DLG2: variants seen among roughly 807,000 people sequenced by gnomAD.
DLG2 encodes discs large MAGUK scaffold protein 2.
In DLG2, 45 loss-of-function variants were observed where a neutral mutation model predicts 132.5. The observed-to-expected ratio is 0.34, with a 90% confidence interval of 0.27 to 0.44. DLG2 has a LOEUF of 0.44. DLG2 is among the 20% of genes least tolerant of loss of function. DLG2 has a pLI of 1.00. For synonymous variants in DLG2, 424 were observed against 419.6 expected (o/e 1.01, Z -0.13); for missense variants, 1,045 against 1,196.9 (o/e 0.87, Z 1.87).
intron 18 of DLG2, among the ~76,000 whole-genome samples, chr11:83,652,167 C>T (rs780218914): frequency 8.5e-5 from 13 of 152,162 alleles, no homozygotes; most frequent in Non-Finnish European, 1.8e-4. Flanking sequence ...GGCAGCGCAA[C>T]TGGACCCCAG....
intron 11 of DLG2, among the ~76,000 whole-genome samples, chr11:84,041,325 C>T (rs1339874966): frequency 2.0e-5 from 3 of 151,786 alleles, no homozygotes; most frequent in Admixed American, 2.0e-4. Flanking sequence ...AATCACTATG[C>T]CAAAGGGTTT....
chr11:83,884,272 C>T (rs188678025), intron 15 of DLG2, among the ~76,000 whole-genome samples: 51 of 152,344 alleles, frequency 3.3e-4, no homozygotes, highest in African/African-American at 8.9e-4. Context: ...GCTTAAAAAA[C>T]GGCGCACCAG....
Position 85,280,494 on chromosome 11 carries a change from CAGTGCTGTTACT to C in DLG2, c.186+4714_186+4725del, listed in dbSNP as rs575308820. 1.4e-4 allele frequency among the ~76,000 whole-genome samples: 21 copies of C among 152,176 alleles called. 1 individual carries two copies. The highest frequency in any genetic ancestry group is 4.1e-4 in the African/African-American group (17 of 41,556). On this transcript the variant is annotated intron_variant, in intron 4 of 27. Transcript: ENST00000376104. ...ATACCAAGCAGCCTCCTTCCTGGCC[CAGTGCTGTTACT>C]GTAACACTGTTAGTAATATAAACTT...
intron 14 of DLG2, among the ~76,000 whole-genome samples, chr11:83,943,348 A>G (rs2083093595): frequency 6.6e-6 from 1 of 152,014 alleles, no homozygotes; most frequent in Non-Finnish European, 1.5e-5. Flanking sequence ...GTACTTTTCA[A>G]TTCAGCCCCA....
chr11:83,790,332 AAC>A, intron 17 of DLG2: 1 of 871,296 alleles, frequency 1.1e-6, no homozygotes, highest in Non-Finnish European at 1.9e-6. Flanking sequence ...CTTAAAAGGT[AAC>A]AGTCTTCAGA....
At position 85,454,523 on chromosome 11, in the gene DLG2, C is replaced by A. The variant is rs545310960; in HGVS notation, c.40+144134G>T. Among the ~76,000 whole-genome samples, 93 of 152,174 alleles carry A rather than the reference C, an allele frequency of 6.1e-4. 3 individuals are homozygous for A. In the South Asian group the frequency reaches 0.018, roughly 30 times the overall value. ...TATAGTTTCTCGTGCTGTGCAAAAG[C>A]TGTTTAGTTTAATTAGATCCAATTT... On this transcript the variant is annotated intron_variant, in intron 3 of 27. Coordinates refer to ENST00000376104, the MANE Select transcript of DLG2 (RefSeq NM_001142699.3).
At chr11:84,298,125 C>A (rs1252219894) in intron 7 of DLG2, among the ~76,000 whole-genome samples, 1 of 152,166 alleles carries the variant, frequency 6.6e-6, no homozygotes, top group African/African-American at 2.4e-5. Flanking sequence ...TTCTCTACTA[C>A]AATGCCTGTT....
At chr11:85,572,012 T>G (rs1437655735) in intron 3 of DLG2, among the ~76,000 whole-genome samples, 6 of 152,042 alleles carry the variant, frequency 3.9e-5, no homozygotes, top group African/African-American at 1.4e-4. Flanking sequence ...CCAGATTAAG[T>G]TTTTTTTAAT....
At chr11:84,335,738 A>G (rs1448752263) in intron 7 of DLG2, among the ~76,000 whole-genome samples, 1 of 152,196 alleles carries the variant, frequency 6.6e-6, no homozygotes. Context: ...AGCCTCATCT[A>G]ACTTCATCTG....
chr11:85,335,801 G>C (rs937087996), intron 3 of DLG2, among the ~76,000 whole-genome samples: 1 of 152,020 alleles, frequency 6.6e-6, no homozygotes, highest in Non-Finnish European at 1.5e-5. Flanking sequence ...ATCAGGGGGT[G>C]GGGGACTAGG....
At position 84,843,985 on chromosome 11, in the gene DLG2, A is replaced by G. The variant is rs901077865; in HGVS notation, c.357+267676T>C. On this transcript the variant is annotated intron_variant, in intron 6 of 27. Transcript: ENST00000376104. ...TCCCCATTATATGTAATAGATACAT[A>G]TATAAAGGTGATATATATATTATGT... 5.3e-5 allele frequency among the ~76,000 whole-genome samples: 8 copies of G among 150,090 alleles called. 1 individual carries two copies. Among genetic ancestry groups the G allele is most frequent in the Non-Finnish European group, 1.0e-4 (7 of 67,556 alleles).
intron 17 of DLG2, 60 bp downstream of exon 17, chr11:83,833,554 T>C: frequency 6.6e-7 from 1 of 1,505,986 alleles, no homozygotes; most frequent in South Asian, 1.3e-5. Context: ...TTGAAAGTTA[T>C]GACTTTTTCA....
intron 6 of DLG2, among the ~76,000 whole-genome samples, chr11:85,071,323 G>A (rs756219861): frequency 8.6e-5 from 13 of 151,776 alleles, no homozygotes; most frequent in Admixed American, 2.0e-4. Flanking sequence ...AGATTACCCT[G>A]GTTGCATAAG....
chr11:83,873,942 G>A (rs546513727), intron 16 of DLG2, among the ~76,000 whole-genome samples: 1 of 152,296 alleles, frequency 6.6e-6, no homozygotes, highest in African/African-American at 2.4e-5. Context: ...TATCACAAGT[G>A]TGTGTTTGTA....
chr11:85,357,111 G>T (rs2083761095), intron 3 of DLG2, among the ~76,000 whole-genome samples: 1 of 152,032 alleles, frequency 6.6e-6, no homozygotes, highest in Non-Finnish European at 1.5e-5. Context: ...TTTTTAAAAT[G>T]ATTTTTAGAA....
At chr11:84,668,788 A>C (rs572924602) in intron 6 of DLG2, among the ~76,000 whole-genome samples, 26 of 152,262 alleles carry the variant, frequency 1.7e-4, no homozygotes, top group African/African-American at 6.3e-4. Flanking sequence ...TTGTTGAAAA[A>C]TTTGAAAATA....
intron 4 of DLG2, among the ~76,000 whole-genome samples, chr11:85,221,048 T>A (rs988341650): frequency 7.4e-5 from 11 of 147,710 alleles, no homozygotes; most frequent in Admixed American, 7.4e-4. Flanking sequence ...CAAACTTTCT[T>A]TTTTTTTTTT....
intron 18 of DLG2, among the ~76,000 whole-genome samples, chr11:83,726,095 G>A (rs2089949162): frequency 6.6e-6 from 1 of 152,130 alleles, no homozygotes; most frequent in South Asian, 2.1e-4. Context: ...TCATCTAAGT[G>A]TAAATGTTTT....
intron 18 of DLG2, among the ~76,000 whole-genome samples, chr11:83,756,151 T>C (rs2093635772): frequency 6.6e-6 from 1 of 151,254 alleles, no homozygotes; most frequent in Non-Finnish European, 1.5e-5. Context: ...TTAGAATCTT[T>C]TTGAATTATA....
Sources: allele counts gnomAD v4.1 joint callset (sites outside exome capture counted in the v4.1 genomes callset), GRCh38; gene constraint gnomAD v4.1.1; transcripts MANE v1.5; gene names NCBI Gene and HGNC (gene_info 2026-07-23, HGNC 2026-07-21).